The following IMPG2 variants were observed in gnomAD, a reference collection of about 807,000 sequenced individuals.
IMPG2 encodes interphotoreceptor matrix proteoglycan 2, also known as IPM 200.
Under a neutral mutation model 129.2 loss-of-function variants are expected in IMPG2, and 91 were observed. That is an observed-to-expected ratio of 0.70 (90% CI 0.59 to 0.84). The LOEUF (loss-of-function observed/expected upper bound fraction) is 0.84, where lower values mean the gene tolerates loss of function less well. Ranked by LOEUF, IMPG2 falls within the 40% of genes least tolerant of loss-of-function variation. The pLI is 0.00. For missense variants in IMPG2, 1,430 were observed against 1,461.7 expected (o/e 0.98, Z 0.35); for synonymous variants, 510 against 517.7 (o/e 0.99, Z 0.20).
chr3:101,303,894 TTGTC>T lies in IMPG2; in HGVS notation c.501+248_501+251del, dbSNP rs377740548. Among the ~76,000 whole-genome samples, 16 of 152,334 alleles carry T rather than the reference TTGTC, an allele frequency of 1.1e-4. No homozygotes were observed. The East Asian group carries it at 2.3e-3, about 22-fold the overall frequency. ...ACATCTATAAACAAGGCTGAGGCTCTTGTCTGAGTTAATAATGTCTTCTTTTTCT... is the reference window on the plus strand; with the variant it reads ...ACATCTATAAACAAGGCTGAGGCTCTTGAGTTAATAATGTCTTCTTTTTCT... On this transcript the variant is annotated intron_variant, in intron 3 of 18. Transcript: ENST00000193391.
chr3:101,245,413 T>C (rs1262248938), intron 12 of IMPG2, among the ~76,000 whole-genome samples: 19 of 152,228 alleles, frequency 1.2e-4, no homozygotes, highest in Admixed American at 1.2e-3. Flanking sequence ...ATCTTTAGAC[T>C]TGGCCCCCAC....
Position 101,227,846 on chromosome 3 carries a change from C to T in IMPG2, c.3714-865G>A, listed in dbSNP as rs144771926. 2.2e-3 allele frequency: 991 copies of T among 456,132 alleles called. 2 individuals are homozygous for T. The highest frequency in any genetic ancestry group is 3.0e-3 in the Non-Finnish European group (685 of 226,894). The allele number at this position is 456,132 out of a possible 1,614,324, so 28.3% of individuals were successfully genotyped here. A position where few individuals can be genotyped will look rare whatever the true frequency, so the allele number is the denominator to read the frequency against. On this transcript the variant is annotated intron_variant, in intron 18 of 18. Transcript: ENST00000193391. ...TGTCCCTTCTCTTACAGAGGAACCA[C>T]GAGCAAAGGAGCCACCTATCAGAGA... is the stretch of plus-strand genomic sequence containing the variant.
chr3:101,276,704 C>T lies in IMPG2; in HGVS notation c.543G>A (p.Leu181=). ...TATCACCAACAGGAACTGGAGAAGACAGTTCAGAGCTAGAAAAAAAAATGT... is the reference window on the plus strand; with the variant it reads ...TATCACCAACAGGAACTGGAGAAGATAGTTCAGAGCTAGAAAAAAAAATGT... ...YAKETVSSSE[L]SSPVPVGDTS... is the part of the protein sequence containing the mutation. The change falls in exon 5 of 19, where the codon CTG becomes CTA. Residue 181 remains leucine, a synonymous_variant. Coordinates refer to ENST00000193391, the MANE Select transcript of IMPG2 (RefSeq NM_016247.4). 6.2e-7 allele frequency: 1 copy of T among 1,607,900 alleles called. No individual in the cohort carries two copies. The highest frequency in any genetic ancestry group is 8.5e-7 in the Non-Finnish European group (1 of 1,174,908).
At chr3:101,260,467 G>T (rs370163108) in intron 9 of IMPG2, among the ~76,000 whole-genome samples, 1 of 152,074 alleles carries the variant, frequency 6.6e-6, no homozygotes, top group East Asian at 1.9e-4. Flanking sequence ...TCAAATGATG[G>T]TTCCAAGATA....
intron 2 of IMPG2, among the ~76,000 whole-genome samples, chr3:101,319,038 T>C (rs1471917268): frequency 6.6e-6 from 1 of 152,070 alleles, no homozygotes; most frequent in Non-Finnish European, 1.5e-5. Context: ...TATATTTGTA[T>C]ATATAATAAC....
chr3:101,257,395 T>A, intron 10 of IMPG2, 134 bp downstream of exon 10: 1 of 1,013,816 alleles, frequency 9.9e-7, no homozygotes, highest in Non-Finnish European at 1.5e-6. Context: ...AAAACTCCAT[T>A]CATATCAGGT....
intron 11 of IMPG2, among the ~76,000 whole-genome samples, chr3:101,251,585 T>C (rs1706544354): frequency 6.6e-6 from 1 of 152,220 alleles, no homozygotes; most frequent in Non-Finnish European, 1.5e-5. Context: ...GTTTCATTTC[T>C]GCTACCGCCA....
intron 11 of IMPG2, among the ~76,000 whole-genome samples, chr3:101,251,525 G>A (rs1706543863): frequency 6.6e-6 from 1 of 152,020 alleles, no homozygotes; most frequent in South Asian, 2.1e-4. Flanking sequence ...TTTAACTTGT[G>A]CATTCTTTTA....
At chr3:101,260,059 G>C (rs775863749) in intron 9 of IMPG2, among the ~76,000 whole-genome samples, 48 of 152,130 alleles carry the variant, frequency 3.2e-4, no homozygotes, top group Non-Finnish European at 4.4e-4. Context: ...TTCTTCCTGG[G>C]AGCACTGGTC....
At chr3:101,292,669 G>T (rs965275805) in intron 3 of IMPG2, among the ~76,000 whole-genome samples, 1 of 152,082 alleles carries the variant, frequency 6.6e-6, no homozygotes, top group Non-Finnish European at 1.5e-5. Context: ...CCCATCAATT[G>T]ATTTTTTCTT....
chr3:101,312,499 C>G (rs946094207), intron 2 of IMPG2, among the ~76,000 whole-genome samples: 2 of 151,760 alleles, frequency 1.3e-5, no homozygotes. Flanking sequence ...AATGGTTATA[C>G]TTTTTTTAAA....
intron 3 of IMPG2, among the ~76,000 whole-genome samples, chr3:101,303,797 G>A (rs1168319782): frequency 1.3e-5 from 2 of 152,078 alleles, no homozygotes; most frequent in East Asian, 3.8e-4. Context: ...TAAAACTTTG[G>A]CAAAAATGTT....
chr3:101,256,181 GAAAGAA>G (rs1434564885), intron 10 of IMPG2, among the ~76,000 whole-genome samples: 1 of 142,990 alleles, frequency 7.0e-6, no homozygotes, highest in Non-Finnish European at 1.5e-5. Flanking sequence ...AAGAAAGAAA[GAAAGAA>G]AGAAAGAAAG....
At chr3:101,238,310 A>G (rs1459756637) in intron 14 of IMPG2, among the ~76,000 whole-genome samples, 1 of 152,202 alleles carries the variant, frequency 6.6e-6, no homozygotes, top group Non-Finnish European at 1.5e-5. Context: ...GATATTATCC[A>G]GGAGAACTTC....
chr3:101,271,771 ACT>A (rs1433653339), intron 7 of IMPG2, among the ~76,000 whole-genome samples: 2 of 152,088 alleles, frequency 1.3e-5, no homozygotes, highest in Non-Finnish European at 2.9e-5. Context: ...AAGGAAGGGG[ACT>A]CTGTAGAAGA....
chr3:101,263,134 C>G (rs1426022552), intron 9 of IMPG2, among the ~76,000 whole-genome samples: 2 of 151,912 alleles, frequency 1.3e-5, no homozygotes, highest in African/African-American at 4.8e-5. Context: ...CTCCCTAGAA[C>G]AAATCATCTA....
chr3:101,249,001 A>G (rs780318159), intron 11 of IMPG2, among the ~76,000 whole-genome samples: 3 of 152,174 alleles, frequency 2.0e-5, no homozygotes, highest in Non-Finnish European at 2.9e-5. Flanking sequence ...AGGAGAGGTC[A>G]GGGTATTTCT....
chr3:101,246,249 C>T (rs1706477238), intron 11 of IMPG2, 144 bp from the exon 12 acceptor site: 1 of 708,908 alleles, frequency 1.4e-6, no homozygotes, highest in Non-Finnish European at 2.3e-6. Context: ...TAGGAGGAGA[C>T]ATGGGCTCCA....
intron 11 of IMPG2, 113 bp downstream of exon 11, chr3:101,253,583 G>C: frequency 3.9e-6 from 3 of 760,966 alleles, no homozygotes; most frequent in Non-Finnish European, 6.9e-6. Flanking sequence ...TGATGCAAGA[G>C]AATAATTGAA....
Sources: allele counts gnomAD v4.1 joint callset (sites outside exome capture counted in the v4.1 genomes callset), GRCh38; gene constraint gnomAD v4.1.1; transcripts MANE v1.5; gene names NCBI Gene and HGNC (gene_info 2026-07-23, HGNC 2026-07-21).